RGPD3: variants seen among roughly 807,000 people sequenced by gnomAD.
RGPD3 encodes the protein RANBP2 like and GRIP domain containing 3, also known as ranBP2-like and GRIP domain-containing protein 3.
Under a neutral mutation model 154.5 loss-of-function variants are expected in RGPD3, and 62 were observed. That is an observed-to-expected ratio of 0.40 (90% CI 0.33 to 0.50). The LOEUF is 0.50. Ranked by LOEUF, RGPD3 falls within the 20% of genes least tolerant of loss-of-function variation. The pLI is 0.59. For missense variants in RGPD3, 919 were observed against 1,716.8 expected, an observed-to-expected ratio of 0.54 and a Z score of 8.21; for synonymous variants, 308 against 607.0, an observed-to-expected ratio of 0.51 and a Z score of 7.24.
At chr2:106,405,512 A>G (rs1173378552) in intron 22 of RGPD3, among the ~76,000 whole-genome samples, 2 of 151,164 alleles carry the variant, frequency 1.3e-5, no homozygotes, top group African/African-American at 4.9e-5. Flanking sequence ...AGCAACTGGG[A>G]CCACAAGGTG....
chr2:106,446,891 A>T (rs1335745181), intron 7 of RGPD3, among the ~76,000 whole-genome samples: 1 of 149,642 alleles, frequency 6.7e-6, no homozygotes, highest in African/African-American at 2.5e-5. Context: ...AAAAAAAATA[A>T]AAAAATAAAA....
intron 22 of RGPD3, among the ~76,000 whole-genome samples, chr2:106,411,808 ACTACGTCTCAAACAAACAAAAACAC>A (rs1187861059): frequency 6.6e-6 from 1 of 152,216 alleles, no homozygotes; most frequent in Non-Finnish European, 1.5e-5. Context: ...ACAGAGCAAC[ACTACGTCTCAAACAAACAAAAACAC>A]AACAACAAAA....
intron 20 of RGPD3, among the ~76,000 whole-genome samples, chr2:106,420,034 T>C (rs2104451862): frequency 6.6e-6 from 1 of 151,168 alleles, no homozygotes; most frequent in Middle Eastern, 3.4e-3. Context: ...ATACTTAGCA[T>C]ACAATAGTTT....
chr2:106,454,938 C>G (rs1201657663), intron 4 of RGPD3, among the ~76,000 whole-genome samples: 2 of 152,188 alleles, frequency 1.3e-5, no homozygotes, highest in African/African-American at 4.8e-5. Context: ...CTTCAAAAAT[C>G]TGGACATGAT....
chr2:106,412,582 A>C (rs1415144142), intron 22 of RGPD3, among the ~76,000 whole-genome samples: 1 of 151,632 alleles, frequency 6.6e-6, no homozygotes, highest in East Asian at 2.0e-4. Flanking sequence ...TGGTGGGATT[A>C]TAGGTGTGAA....
At chr2:106,450,108 G>A (rs1461988481) in intron 6 of RGPD3, among the ~76,000 whole-genome samples, 23 of 142,906 alleles carry the variant, frequency 1.6e-4, no homozygotes, top group Admixed American at 1.1e-3. Context: ...GGCTGGGCGC[G>A]GTGGCTCATG....
intron 9 of RGPD3, among the ~76,000 whole-genome samples, chr2:106,437,561 TGAA>T: frequency 6.6e-6 from 1 of 152,356 alleles, no homozygotes; most frequent in South Asian, 2.1e-4. Context: ...TCTGGAAGCA[TGAA>T]GAGGTATAAT....
chr2:106,425,386 T>G (rs1166512683), intron 19 of RGPD3, 120 bp from the exon 20 acceptor site: 4 of 1,367,152 alleles, frequency 2.9e-6, no homozygotes, highest in Non-Finnish European at 3.0e-6. Flanking sequence ...ATGATGATGA[T>G]GATGATAACA....
chr2:106,467,804 G>C (rs1477262825), intron 1 of RGPD3, among the ~76,000 whole-genome samples: 3 of 142,860 alleles, frequency 2.1e-5, no homozygotes, highest in South Asian at 2.2e-4. Flanking sequence ...GGGCCAGGTC[G>C]AGGCCGCGGC....
intron 22 of RGPD3, among the ~76,000 whole-genome samples, chr2:106,412,293 GTTTTTTTTTTTTTTTTTT>G (rs772813472): frequency 6.7e-5 from 3 of 45,024 alleles, no homozygotes; most frequent in African/African-American, 1.6e-4. Context: ...CTACATCATA[GTTTTTTTTTTTTTTTTTT>G]TTTTTTTTTT....
At chr2:106,468,711 C>G (rs1678730011), upstream of RGPD3, among the ~76,000 whole-genome samples, 1 of 143,512 alleles carries the variant, frequency 7.0e-6, no homozygotes, top group African/African-American at 2.6e-5. Flanking sequence ...GAGGCTGAGG[C>G]AGGAGAATCG....
chr2:106,413,356 G>A (rs1676730667), intron 21 of RGPD3, 71 bp from the exon 22 acceptor site: 1 of 1,582,634 alleles, frequency 6.3e-7, no homozygotes, highest in East Asian at 2.3e-5. Flanking sequence ...CTGAACTCAT[G>A]TATTTTTCTT....
At chr2:106,449,810 T>G (rs1242158612) in intron 6 of RGPD3, among the ~76,000 whole-genome samples, 283 of 146,380 alleles carry the variant, frequency 1.9e-3, no homozygotes, top group African/African-American at 6.8e-3. Flanking sequence ...AAGGTCAGGA[T>G]ATCAAGACCA....
chr2:106,465,906 TC>T (rs1315684908), intron 1 of RGPD3, among the ~76,000 whole-genome samples: 4 of 151,630 alleles, frequency 2.6e-5, no homozygotes, highest in Non-Finnish European at 5.9e-5. Flanking sequence ...ATTGCAAATG[TC>T]CGCGCTGAGA....
Position 106,404,350 on chromosome 2 carries a change from G to A in RGPD3, c.*869C>T, listed in dbSNP as rs1282234832. Among the ~76,000 whole-genome samples, 1 of 149,300 alleles carries A rather than the reference G, an allele frequency of 6.7e-6. No individual in the cohort carries two copies. ...TGGTGGGCCCACCTATTCATAGTCA[G>A]TGTTACACTAGCCAGCTCTAGGGCT... On this transcript the variant is annotated 3_prime_UTR_variant, in exon 23 of 23. Transcript: ENST00000409886.
At chr2:106,464,162 G>A (rs1467017120) in intron 1 of RGPD3, among the ~76,000 whole-genome samples, 4 of 151,944 alleles carry the variant, frequency 2.6e-5, no homozygotes, top group Non-Finnish European at 5.9e-5. Context: ...TGGCTAACAC[G>A]GTGAAACCCC....
intron 9 of RGPD3, among the ~76,000 whole-genome samples, chr2:106,437,477 G>A (rs572122731): frequency 3.6e-4 from 55 of 151,884 alleles, no homozygotes; most frequent in East Asian, 1.4e-3. Context: ...GCGCCACTGC[G>A]CTCCAGCCTG....
At chr2:106,421,052 T>G (rs2104453048) in intron 20 of RGPD3, among the ~76,000 whole-genome samples, 1 of 152,342 alleles carries the variant, frequency 6.6e-6, no homozygotes, top group East Asian at 1.9e-4. Flanking sequence ...TCCTTCATTA[T>G]AAACAAAAAC....
At chr2:106,460,425 T>C (rs1678374270) in intron 1 of RGPD3, among the ~76,000 whole-genome samples, 1 of 149,322 alleles carries the variant, frequency 6.7e-6, no homozygotes, top group South Asian at 2.1e-4. Flanking sequence ...TACTGTTCTC[T>C]CTACAGATCA....
Sources: allele counts gnomAD v4.1 joint callset (sites outside exome capture counted in the v4.1 genomes callset), GRCh38; gene constraint gnomAD v4.1.1; transcripts MANE v1.5; gene names NCBI Gene and HGNC (gene_info 2026-07-23, HGNC 2026-07-21).